Variants in EIF3F observed in about 807,000 individuals in gnomAD.
The protein encoded by EIF3F is eukaryotic translation initiation factor 3 subunit F.
EIF3F carries 8 observed loss-of-function variants against 36.0 expected under a neutral mutation model. That is an observed-to-expected ratio of 0.22 (90% CI 0.13 to 0.40). The LOEUF (loss-of-function observed/expected upper bound fraction) is 0.40. EIF3F is among the 10% of genes least tolerant of loss of function. The pLI is 1.00. For missense variants in EIF3F, 430 were observed against 467.6 expected, an observed-to-expected ratio of 0.92 and a Z score of 0.74; for synonymous variants, 184 against 188.5, an observed-to-expected ratio of 0.98 and a Z score of 0.19.
At chr11:7,995,897 T>C (rs763384355) in intron 7 of EIF3F, 48 bp from the exon 8 acceptor site, 23 of 1,566,108 alleles carry the variant, frequency 1.5e-5, no homozygotes, top group Middle Eastern at 1.7e-4. Flanking sequence ...GCCTTTTTGC[T>C]CCCTTTCCAC....
intron 1 of EIF3F, among the ~76,000 whole-genome samples, chr11:7,988,567 TCCCA>T (rs1942054770): frequency 6.6e-6 from 1 of 152,220 alleles, no homozygotes; most frequent in Admixed American, 6.5e-5. Flanking sequence ...ACTATGCTGG[TCCCA>T]TGAAATTCGT....
chr11:7,990,883 AT>A (rs1321676408), intron 1 of EIF3F, among the ~76,000 whole-genome samples: 4 of 144,344 alleles, frequency 2.8e-5, no homozygotes, highest in Admixed American at 7.4e-5. Context: ...AAATAAATAA[AT>A]AAATAAATAA....
intron 4 of EIF3F, among the ~76,000 whole-genome samples, chr11:7,993,230 G>A (rs12420464): frequency 2.6e-5 from 4 of 152,132 alleles, no homozygotes; most frequent in Non-Finnish European, 5.9e-5. Flanking sequence ...TTGTACTCCA[G>A]TTTCTACTCA....
intron 3 of EIF3F, chr11:7,992,623 G>A (rs1942110679): frequency 2.0e-6 from 1 of 509,908 alleles, no homozygotes; most frequent in Admixed American, 3.6e-5. Context: ...TGTGAATTCA[G>A]TGGGTTTTGC....
At chr11:7,992,000 A>G (rs1239736465) in intron 2 of EIF3F, 84 bp from the exon 3 acceptor site, 6 of 1,505,572 alleles carry the variant, frequency 4.0e-6, no homozygotes, top group East Asian at 2.3e-5. Flanking sequence ...TCTTCTGTTT[A>G]TTGGGGGTGG....
intron 2 of EIF3F, 82 bp from the exon 3 acceptor site, chr11:7,992,002 T>TG (rs1942101946): frequency 6.6e-7 from 1 of 1,507,040 alleles, no homozygotes; most frequent in African/African-American, 1.4e-5. Flanking sequence ...TTCTGTTTAT[T>TG]GGGGGTGGCC....
intron 5 of EIF3F, 177 bp from the exon 6 acceptor site, chr11:7,994,805 A>G (rs1234756839): frequency 4.3e-6 from 4 of 920,094 alleles, no homozygotes; most frequent in Admixed American, 2.8e-5. Context: ...CTCTATTAGG[A>G]GGAAGAAAAG....
rs1336780243 is a variant in EIF3F at position 7,992,175 on chromosome 11, A to G, written c.515+12A>G. The G allele has an allele frequency of 6.2e-7, 1 of 1,606,004 alleles. No individual in the cohort carries two copies. ...CTCATCCTGGGCTGGTAAGTTGGGGAGGTGGGGGCTGGGGTTAATGGAAGG... is the reference window on the plus strand; with the variant it reads ...CTCATCCTGGGCTGGTAAGTTGGGGGGGTGGGGGCTGGGGTTAATGGAAGG... On this transcript the variant is annotated intron_variant, in intron 3 of 7. Coordinates refer to ENST00000651655, the MANE Select transcript of EIF3F (RefSeq NM_003754.3).
At chr11:7,990,737 A>T (rs10839958) in intron 1 of EIF3F, among the ~76,000 whole-genome samples, 65,464 of 151,934 alleles carry the variant, frequency 0.43, 16,922 homozygotes, top group East Asian at 0.83. Context: ...ACACTGGTAG[A>T]TATAGACAAC....
rs1341753157 is a variant in EIF3F at position 7,997,608 on chromosome 11, A to C, written c.*1586A>C. 6.6e-6 allele frequency: 1 copy of C among 152,230 alleles called. No individual in the cohort carries two copies. The highest frequency in any genetic ancestry group is 1.5e-5 in the Non-Finnish European group (1 of 68,032). 9.4% of individuals were successfully genotyped at this position (152,230 alleles called of 1,614,324 possible). A position where few individuals can be genotyped will look rare whatever the true frequency, so the allele number is the denominator to read the frequency against. On this transcript the variant is annotated 3_prime_UTR_variant, in exon 8 of 8. Coordinates refer to ENST00000651655, the MANE Select transcript of EIF3F (RefSeq NM_003754.3). Reference sequence around the variant, plus strand: ...CAATCATATGCTGTTTACAGGAGACACATCTAAAACAAGGACATAAAGTTG... The same window carrying C: ...CAATCATATGCTGTTTACAGGAGACCCATCTAAAACAAGGACATAAAGTTG...
At chr11:7,991,669 C>G in intron 1 of EIF3F, 112 bp from the exon 2 acceptor site, 1 of 1,016,878 alleles carries the variant, frequency 9.8e-7, no homozygotes, top group Non-Finnish European at 1.6e-6. Flanking sequence ...CTAATGAGTT[C>G]AGTTAGGTGT....
chr11:7,989,762 G>A (rs546525664), intron 1 of EIF3F, among the ~76,000 whole-genome samples: 21 of 152,298 alleles, frequency 1.4e-4, no homozygotes, highest in South Asian at 1.0e-3. Flanking sequence ...AAAAGATGAC[G>A]TTTGAGCTGG....
chr11:7,989,196 G>A (rs1230143802), intron 1 of EIF3F, among the ~76,000 whole-genome samples: 4 of 152,166 alleles, frequency 2.6e-5, no homozygotes, highest in African/African-American at 9.7e-5. Context: ...CCTGCTCTGA[G>A]CTTCTGTAAT....
Position 7,995,069 on chromosome 11 carries a change from G to A in EIF3F, c.833G>A (p.Arg278His), listed in dbSNP as rs904105385. The A allele has an allele frequency of 1.4e-5, 23 of 1,613,870 alleles. No homozygotes were observed. In the East Asian group the frequency reaches 2.9e-4, roughly 20 times the overall value. ...CAGCAAGTAGGAGGGGCATCAGCTCGCATCCAGGATGCCCTGAGTACAGTG... is the reference window on the plus strand; with the variant it reads ...CAGCAAGTAGGAGGGGCATCAGCTCACATCCAGGATGCCCTGAGTACAGTG... ...DLQQVGGASA[R>H]IQDALSTVLQ... Residue 278 changes from arginine to histidine, a missense_variant, in exon 6 of 8, where the codon CGC becomes CAC. Coordinates refer to ENST00000651655, the MANE Select transcript of EIF3F (RefSeq NM_003754.3).
chr11:7,994,540 C>T (rs766443567), intron 5 of EIF3F, 23 bp downstream of exon 5: 9 of 1,603,868 alleles, frequency 5.6e-6, no homozygotes, highest in Non-Finnish European at 6.8e-6. Context: ...TCCATACACT[C>T]GCGAGAGGCC....
At chr11:7,990,865 GAATAAATAAATAAATA>G (rs58906269) in intron 1 of EIF3F, among the ~76,000 whole-genome samples, 151 of 136,682 alleles carry the variant, frequency 1.1e-3, no homozygotes, top group South Asian at 5.2e-3. Flanking sequence ...AATGTAGTGG[GAATAAATAAATAAATA>G]AATAAATAAA....
At chr11:7,994,876 CAGAGTT>C (rs1942143122) in intron 5 of EIF3F, 100 bp from the exon 6 acceptor site, 2 of 1,497,052 alleles carry the variant, frequency 1.3e-6, no homozygotes, top group African/African-American at 2.8e-5. Context: ...AGTTGGGAAA[CAGAGTT>C]AGTAGGACGT....
chr11:7,992,678 G>C (rs1942111305), intron 3 of EIF3F: 7 of 641,142 alleles, frequency 1.1e-5, no homozygotes, highest in Non-Finnish European at 1.9e-5. Context: ...GAATTACCTT[G>C]TAAGTGACTT....
Position 8,001,173 on chromosome 11 carries a change from A to G in EIF3F, c.*5151A>G, listed in dbSNP as rs1457287484. ...TGCTTGATCTCACTGATAAAGCATA[A>G]ATTAAAACGATGTCATTTTTAAAAA... is the stretch of plus-strand genomic sequence containing the variant. On this transcript the variant is annotated 3_prime_UTR_variant, in exon 8 of 8. Transcript: ENST00000651655. The G allele has an allele frequency of 6.6e-6, 1 of 152,232 alleles. No homozygotes were observed. The highest frequency in any genetic ancestry group is 2.4e-5 in the African/African-American group (1 of 41,450). 9.4% of individuals were successfully genotyped at this position (152,232 alleles called of 1,614,324 possible).
Sources: allele counts gnomAD v4.1 joint callset (sites outside exome capture counted in the v4.1 genomes callset), GRCh38; gene constraint gnomAD v4.1.1; transcripts MANE v1.5; gene names NCBI Gene and HGNC (gene_info 2026-07-23, HGNC 2026-07-21).